FHIP1A: variants seen among roughly 807,000 people sequenced by gnomAD.
The protein encoded by FHIP1A is FHF complex subunit HOOK interacting protein 1A.
A neutral mutation model predicts 88.6 loss-of-function variants in FHIP1A; 61 were observed. The observed-to-expected ratio is 0.69, with a 90% CI of 0.56 to 0.85. FHIP1A has a LOEUF of 0.85. Ranked by LOEUF, FHIP1A falls within the 40% of genes least tolerant of loss-of-function variation. FHIP1A has a pLI of 0.00. For missense variants in FHIP1A, 1,154 were observed against 1,273.5 expected (o/e 0.91, Z 1.43); for synonymous variants, 478 against 496.0 (o/e 0.96, Z 0.48).
chr4:151,480,630 G>T (rs1729859706), intron 2 of FHIP1A, among the ~76,000 whole-genome samples: 1 of 152,046 alleles, frequency 6.6e-6, no homozygotes, highest in Non-Finnish European at 1.5e-5. Context: ...GGTGATACTG[G>T]TAGTTCCCAG....
intron 1 of FHIP1A, among the ~76,000 whole-genome samples, chr4:151,418,377 C>A (rs902079834): frequency 3.3e-5 from 5 of 152,006 alleles, no homozygotes; most frequent in African/African-American, 4.8e-5. Flanking sequence ...CCTTGCATGT[C>A]CTATTTGAAA....
intron 8 of FHIP1A, among the ~76,000 whole-genome samples, chr4:151,630,163 G>A (rs1445111199): frequency 6.6e-6 from 1 of 152,154 alleles, no homozygotes; most frequent in African/African-American, 2.4e-5. Flanking sequence ...CTAGCAGAGT[G>A]CACTTCTGTG....
chr4:151,627,606 A>C (rs1736000701), intron 7 of FHIP1A, among the ~76,000 whole-genome samples: 1 of 152,182 alleles, frequency 6.6e-6, no homozygotes, highest in South Asian at 2.1e-4. Context: ...TTTTGCCTAA[A>C]TCATTTAGGA....
intron 3 of FHIP1A, among the ~76,000 whole-genome samples, chr4:151,484,095 G>A (rs1171168435): frequency 2.0e-5 from 3 of 152,106 alleles, no homozygotes; most frequent in Non-Finnish European, 4.4e-5. Context: ...CTGTTACAGG[G>A]CTTTTCCCAG....
Position 151,578,017 on chromosome 4 carries a change from C to G in FHIP1A, c.673C>G (p.Leu225Val). The change falls in exon 5 of 14, where the codon CTT becomes GTT. Residue 225 changes from leucine to valine, a missense_variant. Coordinates refer to ENST00000435205, the MANE Select transcript of FHIP1A (RefSeq NM_001109977.3). ...ARDALLFIMSLSAENTMVAHH... is the reference protein window; with the variant it reads ...ARDALLFIMSVSAENTMVAHH... ...GGATGCATTGCTCTTCATCATGTCT[C>G]TTTCTGCTGAGAACACCATGGTGGC... 1 of 1,551,214 alleles carries G rather than the reference C, an allele frequency of 6.4e-7. No individual in the cohort carries two copies. The highest frequency in any genetic ancestry group is 1.2e-5 in the South Asian group (1 of 84,018).
At chr4:151,475,817 GT>G (rs534253121) in intron 2 of FHIP1A, among the ~76,000 whole-genome samples, 4 of 148,668 alleles carry the variant, frequency 2.7e-5, no homozygotes, top group African/African-American at 7.4e-5. Context: ...AAAGTCATCT[GT>G]TTTTTTTTAT....
intron 1 of FHIP1A, among the ~76,000 whole-genome samples, chr4:151,422,682 C>T (rs528173121): frequency 3.9e-5 from 6 of 152,256 alleles, no homozygotes; most frequent in East Asian, 1.9e-4. Context: ...TGAGCCACCG[C>T]GCCTGGCCAG....
At chr4:151,436,410 G>A (rs1170799367) in intron 1 of FHIP1A, 3 of 152,124 alleles carry the variant, frequency 2.0e-5, no homozygotes, top group Admixed American at 6.6e-5. Flanking sequence ...AAAACAGATC[G>A]TGTTTCTGTC....
chr4:151,465,012 C>G (rs1448448104), intron 2 of FHIP1A, among the ~76,000 whole-genome samples: 1 of 152,014 alleles, frequency 6.6e-6, no homozygotes, highest in East Asian at 1.9e-4. Flanking sequence ...TTTGAGACCA[C>G]TCTGGGCAAC....
chr4:151,563,395 C>G (rs1301815424), intron 3 of FHIP1A, among the ~76,000 whole-genome samples: 1 of 152,052 alleles, frequency 6.6e-6, no homozygotes, highest in Non-Finnish European at 1.5e-5. Context: ...AGAGCTCTCT[C>G]TCAGGCATGA....
intron 7 of FHIP1A, among the ~76,000 whole-genome samples, chr4:151,604,131 T>C (rs1734978828): frequency 6.6e-6 from 1 of 152,006 alleles, no homozygotes; most frequent in Non-Finnish European, 1.5e-5. Context: ...ATTCTCTTCC[T>C]TCCTCCTCTG....
chr4:151,545,079 C>T (rs952264990), intron 3 of FHIP1A, among the ~76,000 whole-genome samples: 3 of 152,108 alleles, frequency 2.0e-5, no homozygotes, highest in African/African-American at 7.2e-5. Flanking sequence ...TGTCTAAAAA[C>T]AAAAAGTGTG....
rs571150339 is a variant in FHIP1A, at chr4:151,646,175, G to C, written c.1227-383G>C. Among the ~76,000 whole-genome samples, 10 of 152,268 alleles carry C rather than the reference G, an allele frequency of 6.6e-5. No homozygotes were observed. The South Asian group carries it at 2.1e-3, about 32-fold the overall frequency. ...ATGAGCATAGTGGAGGGAGGGATTAGCTCCCTCTCAGAGAAGGTGACACTG... is the reference window on the plus strand; with the variant it reads ...ATGAGCATAGTGGAGGGAGGGATTACCTCCCTCTCAGAGAAGGTGACACTG... On this transcript the variant is annotated intron_variant, in intron 9 of 13. Transcript: ENST00000435205.
chr4:151,627,847 G>A (rs1253021956), intron 7 of FHIP1A, among the ~76,000 whole-genome samples: 3 of 152,176 alleles, frequency 2.0e-5, no homozygotes, highest in South Asian at 2.1e-4. Flanking sequence ...GATCTTTGGG[G>A]CTATCATTCA....
Position 151,629,628 on chromosome 4 carries a change from G to T in FHIP1A, c.979-74G>T, listed in dbSNP as rs548184517. Reference sequence around the variant, plus strand: ...TTGATGATGTCACTGTGGTGAGGCTGGGGGCCACGGGAGAGGCGTGTATCA... The same window carrying T: ...TTGATGATGTCACTGTGGTGAGGCTTGGGGCCACGGGAGAGGCGTGTATCA... On this transcript the variant is annotated intron_variant, in intron 7 of 13. Transcript: ENST00000435205. The T allele has an allele frequency of 2.6e-5, 35 of 1,364,494 alleles. No homozygotes were observed. The South Asian group carries it at 2.8e-4, about 11-fold the overall frequency. 84.5% of individuals were successfully genotyped at this position (1,364,494 alleles called of 1,614,324 possible).
chr4:151,513,624 G>C (rs1424033694), intron 3 of FHIP1A, among the ~76,000 whole-genome samples: 1 of 151,346 alleles, frequency 6.6e-6, no homozygotes, highest in East Asian at 1.9e-4. Context: ...CAAGCCAATG[G>C]AAAACAAAAA....
chr4:151,471,681 T>C (rs1729517653), intron 2 of FHIP1A, among the ~76,000 whole-genome samples: 1 of 152,118 alleles, frequency 6.6e-6, no homozygotes, highest in Admixed American at 6.6e-5. Flanking sequence ...GTAAGTTCTT[T>C]AGTGGTGATT....
chr4:151,665,018 G>T lies in FHIP1A; in HGVS notation c.*2264G>T, dbSNP rs908482735. Among the ~76,000 whole-genome samples the T allele has an allele frequency of 7.2e-5, 11 of 152,022 alleles. No homozygotes were observed. The highest frequency in any genetic ancestry group is 1.6e-4 in the Non-Finnish European group (11 of 68,018). ...TTTGAGACAGGATCTTGCGCTGCCTGGGCTAGAGTGGAGTGGTGTGATCAC... is the reference window on the plus strand; with the variant it reads ...TTTGAGACAGGATCTTGCGCTGCCTTGGCTAGAGTGGAGTGGTGTGATCAC... On this transcript the variant is annotated 3_prime_UTR_variant, in exon 14 of 14. Transcript: ENST00000435205.
chr4:151,412,607 C>CCTTA lies in FHIP1A; in HGVS notation c.-356+3145_-356+3146insACTT, dbSNP rs1732701006. Among the ~76,000 whole-genome samples, 23 of 138,676 alleles carry CCTTA rather than the reference C, an allele frequency of 1.7e-4. No homozygotes were observed. The South Asian group carries it at 5.5e-3, about 33-fold the overall frequency. 91.0% of individuals were successfully genotyped at this position (138,676 alleles called of 152,430 possible). A position where few individuals can be genotyped will look rare whatever the true frequency, so the allele number is the denominator to read the frequency against. On this transcript the variant is annotated intron_variant, in intron 1 of 13. Transcript: ENST00000435205. ...TCTTTCCTTCCTTCCTTCCTTCCTTCCTTCCTCCCTCCCTCCCTCCCTCCC... is the reference window on the plus strand; with the variant it reads ...TCTTTCCTTCCTTCCTTCCTTCCTTCCTTACTTCCTCCCTCCCTCCCTCCCTCCC...
Sources: allele counts gnomAD v4.1 joint callset (sites outside exome capture counted in the v4.1 genomes callset), GRCh38; gene constraint gnomAD v4.1.1; transcripts MANE v1.5; gene names NCBI Gene and HGNC (gene_info 2026-07-23, HGNC 2026-07-21).